The following LRRTM3 variants were observed in gnomAD, a reference collection of about 807,000 sequenced individuals.
LRRTM3 encodes leucine-rich repeat transmembrane neuronal protein 3.
A neutral mutation model predicts 44.7 loss-of-function variants in LRRTM3; 24 were observed. That is an observed-to-expected ratio of 0.54 (90% CI 0.39 to 0.76). The LOEUF (loss-of-function observed/expected upper bound fraction) is 0.76, where lower values mean the gene tolerates loss of function less well. Among genes scored for constraint, LRRTM3 ranks in the 30% least tolerant of loss-of-function variants. LRRTM3 has a pLI of 0.00. For missense variants in LRRTM3, 587 were observed against 702.2 expected (o/e 0.84, Z 1.85); for synonymous variants, 277 against 278.7 (o/e 0.99, Z 0.06).
chr10:66,990,734 T>A (rs1285665681), intron 2 of LRRTM3, among the ~76,000 whole-genome samples: 3 of 152,200 alleles, frequency 2.0e-5, no homozygotes, highest in Admixed American at 2.0e-4. Context: ...TTCATGTAGA[T>A]AATCTGGAAT....
intron 2 of LRRTM3, among the ~76,000 whole-genome samples, chr10:67,094,936 A>G (rs79207738): frequency 0.017 from 2,641 of 151,580 alleles, 80 homozygotes; most frequent in East Asian, 0.11. Context: ...TCCAAAACTG[A>G]TGTATCACCA....
chr10:67,045,695 G>C (rs1376095167), intron 2 of LRRTM3, among the ~76,000 whole-genome samples: 1 of 152,180 alleles, frequency 6.6e-6, no homozygotes, highest in Non-Finnish European at 1.5e-5. Context: ...CGGCCCCCAG[G>C]CGGGGATAGC....
At chr10:67,003,747 TAGATTCTGGCCAGTTAACTGG>T (rs1477809651) in intron 2 of LRRTM3, among the ~76,000 whole-genome samples, 1 of 152,206 alleles carries the variant, frequency 6.6e-6, no homozygotes, top group Non-Finnish European at 1.5e-5. Context: ...AGAGACTAGT[TAGATTCTGGCCAGTTAACTGG>T]AGAAATCAAT....
intron 2 of LRRTM3, among the ~76,000 whole-genome samples, chr10:67,010,557 G>A (rs1852255683): frequency 6.6e-6 from 1 of 152,156 alleles, no homozygotes; most frequent in African/African-American, 2.4e-5. Context: ...AGAGTGGGGG[G>A]AGCACTAGCT....
Position 66,950,406 on chromosome 10 carries a change from A to G in LRRTM3, c.1536+21954A>G, listed in dbSNP as rs74792682. ...ATGCTTAAGGCAGGTTTTGAGATAT[A>G]CTATATGTTTAATAAATGTCTGTTT... On this transcript the variant is annotated intron_variant, in intron 2 of 2. Transcript: ENST00000361320. Among the ~76,000 whole-genome samples, 1,267 of 152,222 alleles carry G rather than the reference A, an allele frequency of 8.3e-3. 8 individuals are homozygous for G. Among genetic ancestry groups the G allele is most frequent in the Middle Eastern group, 0.017 (5 of 294 alleles).
intron 2 of LRRTM3, among the ~76,000 whole-genome samples, chr10:67,034,484 G>T (rs140235273): frequency 6.6e-6 from 1 of 152,156 alleles, no homozygotes; most frequent in Non-Finnish European, 1.5e-5. Context: ...ACTCTCTAGT[G>T]TCTTAGGCTC....
chr10:67,072,246 G>T (rs1856506109), intron 2 of LRRTM3, among the ~76,000 whole-genome samples: 2 of 152,126 alleles, frequency 1.3e-5, no homozygotes, highest in South Asian at 4.1e-4. Flanking sequence ...AAGCCACCAT[G>T]CCCAACCTGT....
In LRRTM3 at chr10:66,928,011, T is replaced by C; in HGVS notation, c.1095T>C (p.Thr365=). Residue 365 remains threonine (T), a synonymous_variant, in exon 2 of 3, where the codon ACT becomes ACC. Coordinates refer to ENST00000361320, the MANE Select transcript of LRRTM3 (RefSeq NM_178011.5). ...ACTACAGCATCTGTGGCAAAAGTAC[T>C]ACAGAGAGGTTTGATCTGGCCAGGG... ...VKNYSICGKS[T]TERFDLARAL... is the part of the protein sequence containing the mutation. The C allele has an allele frequency of 1.2e-6, 2 of 1,614,170 alleles. No homozygotes were observed. The highest frequency in any genetic ancestry group is 1.6e-4 in the Middle Eastern group (1 of 6,062).
At chr10:66,948,129 C>T (rs1437119340) in intron 2 of LRRTM3, among the ~76,000 whole-genome samples, 1 of 152,092 alleles carries the variant, frequency 6.6e-6, no homozygotes, top group Non-Finnish European at 1.5e-5. Flanking sequence ...ATATGTAGTC[C>T]CTCATTGGCC....
intron 2 of LRRTM3, among the ~76,000 whole-genome samples, chr10:67,030,492 C>CA (rs1168434450): frequency 6.6e-5 from 10 of 151,772 alleles, no homozygotes; most frequent in African/African-American, 1.2e-4. Context: ...CACACCCACA[C>CA]AAAAAATATA....
At chr10:66,971,694 T>C (rs2132829353) in intron 2 of LRRTM3, among the ~76,000 whole-genome samples, 1 of 152,232 alleles carries the variant, frequency 6.6e-6, no homozygotes, top group Admixed American at 6.5e-5. Flanking sequence ...GGTAAGGGTA[T>C]AAACCACTCC....
intron 2 of LRRTM3, among the ~76,000 whole-genome samples, chr10:66,989,741 C>T (rs538074498): frequency 2.6e-5 from 4 of 152,006 alleles, no homozygotes; most frequent in East Asian, 1.9e-4. Context: ...AGTGAATTTC[C>T]TCAGAAAATT....
intron 2 of LRRTM3, among the ~76,000 whole-genome samples, chr10:67,064,298 A>G (rs1189431093): frequency 6.6e-6 from 1 of 152,130 alleles, no homozygotes; most frequent in Non-Finnish European, 1.5e-5. Flanking sequence ...ATGTATTAGC[A>G]TTCTTGTTAG....
intron 2 of LRRTM3, among the ~76,000 whole-genome samples, chr10:67,008,828 G>A (rs1852159860): frequency 6.6e-6 from 1 of 152,046 alleles, no homozygotes; most frequent in African/African-American, 2.4e-5. Context: ...TTAAGTCTTT[G>A]TTTACCTTAT....
chr10:66,947,823 A>G (rs1036428969), intron 2 of LRRTM3, among the ~76,000 whole-genome samples: 2 of 152,230 alleles, frequency 1.3e-5, no homozygotes, highest in Non-Finnish European at 2.9e-5. Flanking sequence ...AGGAAAATGC[A>G]GTCATGTGGC....
chr10:66,970,443 T>G (rs1483183786), intron 2 of LRRTM3, among the ~76,000 whole-genome samples: 23 of 148,990 alleles, frequency 1.5e-4, no homozygotes, highest in Non-Finnish European at 3.0e-5. Flanking sequence ...ATATTACATT[T>G]GAGTTCAGTG....
intron 2 of LRRTM3, among the ~76,000 whole-genome samples, chr10:67,027,184 G>A (rs914221527): frequency 1.3e-5 from 2 of 152,064 alleles, no homozygotes; most frequent in African/African-American, 4.8e-5. Flanking sequence ...AGGAGCGTAG[G>A]AAGTAAAGGA....
intron 2 of LRRTM3, among the ~76,000 whole-genome samples, chr10:67,010,849 A>C (rs1220130624): frequency 3.9e-5 from 6 of 152,196 alleles, no homozygotes; most frequent in African/African-American, 1.4e-4. Context: ...TGTAGATACT[A>C]ATTAAATATT....
intron 2 of LRRTM3, among the ~76,000 whole-genome samples, chr10:66,947,002 A>G (rs1023741563): frequency 5.3e-5 from 8 of 152,164 alleles, no homozygotes; most frequent in Admixed American, 2.0e-4. Context: ...CAAGAAGGAC[A>G]CTGAGGTAAT....
Sources: allele counts gnomAD v4.1 joint callset (sites outside exome capture counted in the v4.1 genomes callset), GRCh38; gene constraint gnomAD v4.1.1; transcripts MANE v1.5; gene names NCBI Gene and HGNC (gene_info 2026-07-23, HGNC 2026-07-21).